The following CIB4 variants were observed in gnomAD, a reference collection of about 807,000 sequenced individuals.
CIB4 encodes the protein calcium and integrin binding family member 4.
CIB4 carries 25 observed loss-of-function variants against 25.8 expected under a neutral mutation model. The ratio of observed to expected loss-of-function variants is 0.97; its 90% CI spans 0.71 to 1.35. The LOEUF is 1.35. Ranked by LOEUF, CIB4 falls within the 40% of genes most tolerant of loss-of-function variation. The pLI is 0.00. For missense variants in CIB4, 235 were observed against 228.2 expected (o/e 1.03, Z -0.19); for synonymous variants, 75 against 81.4 (o/e 0.92, Z 0.42).
intron 4 of CIB4, among the ~76,000 whole-genome samples, chr2:26,589,044 CTTCT>C (rs1668519039): frequency 4.0e-5 from 2 of 50,622 alleles, no homozygotes; most frequent in African/African-American, 1.7e-4. Flanking sequence ...TCTTCTTCTT[CTTCT>C]TCTTCTTCTT....
At chr2:26,593,989 A>G (rs1668634848) in intron 4 of CIB4, among the ~76,000 whole-genome samples, 3 of 152,194 alleles carry the variant, frequency 2.0e-5, no homozygotes, top group Non-Finnish European at 4.4e-5. Flanking sequence ...GTCAGAAAGA[A>G]TCCAGTGTTT....
At chr2:26,618,984 A>G (rs148772525) in intron 3 of CIB4, among the ~76,000 whole-genome samples, 1 of 152,272 alleles carries the variant, frequency 6.6e-6, no homozygotes, top group Non-Finnish European at 1.5e-5. Context: ...AGCGCTGTGA[A>G]GCCCCTGGCT....
At chr2:26,596,526 C>T (rs1668685841) in intron 3 of CIB4, among the ~76,000 whole-genome samples, 1 of 152,066 alleles carries the variant, frequency 6.6e-6, no homozygotes, top group Admixed American at 6.5e-5. Flanking sequence ...GGTGGATCAC[C>T]TGAGGTCAGG....
chr2:26,592,181 ACT>A (rs1454503848), intron 4 of CIB4, among the ~76,000 whole-genome samples: 1 of 152,078 alleles, frequency 6.6e-6, no homozygotes, highest in Non-Finnish European at 1.5e-5. Flanking sequence ...CAACCGAAAG[ACT>A]CTTGGCTAAG....
In CIB4 at chr2:26,595,171, C is replaced by T. The variant is rs751499951; in HGVS notation, c.328+5G>A. On this transcript the variant is annotated splice_donor_5th_base_variant and intron_variant, in intron 4 of 6. Coordinates refer to ENST00000288861, the MANE Select transcript of CIB4 (RefSeq NM_001029881.3). ...CCTCACCCCTCAGTCCCCCACAGCA[C>T]CTACCATAGATGCGAAAGGCATACT... 6 of 1,606,008 alleles carry T rather than the reference C, an allele frequency of 3.7e-6. No homozygotes were observed. Among genetic ancestry groups the T allele is most frequent in the Non-Finnish European group, 5.1e-6 (6 of 1,173,360 alleles).
chr2:26,613,660 C>T (rs1669038839), intron 3 of CIB4, among the ~76,000 whole-genome samples: 1 of 152,256 alleles, frequency 6.6e-6, no homozygotes, highest in Admixed American at 6.5e-5. Flanking sequence ...TATACACAAA[C>T]TGCAGTTCAA....
chr2:26,595,425 A>T, intron 3 of CIB4, 108 bp from the exon 4 acceptor site: 1 of 1,194,864 alleles, frequency 8.4e-7, no homozygotes, highest in Middle Eastern at 2.9e-4. Context: ...TGAGATGAAG[A>T]CAACAGCCAC....
intron 3 of CIB4, among the ~76,000 whole-genome samples, chr2:26,613,025 A>G (rs541679955): frequency 5.7e-4 from 87 of 152,264 alleles, no homozygotes; most frequent in Non-Finnish European, 6.8e-4. Flanking sequence ...GCAGAAAGAG[A>G]GAGAAGGAGG....
At chr2:26,584,199 A>G (rs1668407783) in intron 4 of CIB4, among the ~76,000 whole-genome samples, 1 of 152,224 alleles carries the variant, frequency 6.6e-6, no homozygotes, top group Non-Finnish European at 1.5e-5. Context: ...CCAAAAAGAA[A>G]CTGAGGCACA....
chr2:26,607,025 C>T (rs868586595), intron 3 of CIB4, among the ~76,000 whole-genome samples: 1 of 152,296 alleles, frequency 6.6e-6, no homozygotes, highest in African/African-American at 2.4e-5. Flanking sequence ...TCCCCAGATT[C>T]CAGGCCAACA....
chr2:26,595,093 A>G (rs1668654518), intron 4 of CIB4, 83 bp downstream of exon 4: 2 of 1,381,262 alleles, frequency 1.4e-6, no homozygotes, highest in Non-Finnish European at 2.0e-6. Flanking sequence ...GCCATCCATC[A>G]ATGAACTGAT....
intron 3 of CIB4, among the ~76,000 whole-genome samples, chr2:26,603,956 T>C (rs920230561): frequency 1.4e-5 from 2 of 147,110 alleles, no homozygotes; most frequent in Admixed American, 1.4e-4. Flanking sequence ...TGAGCCAAGA[T>C]TGTGCCACTG....
At chr2:26,594,389 C>A (rs1668641279) in intron 4 of CIB4, among the ~76,000 whole-genome samples, 1 of 152,212 alleles carries the variant, frequency 6.6e-6, no homozygotes, top group Non-Finnish European at 1.5e-5. Flanking sequence ...AGCTCTTCTA[C>A]TGTCTTCTAT....
intron 3 of CIB4, among the ~76,000 whole-genome samples, chr2:26,625,399 C>CTGGA (rs1308704701): frequency 2.9e-5 from 4 of 138,974 alleles, no homozygotes; most frequent in African/African-American, 1.1e-4. Flanking sequence ...GTTGCCCAGG[C>CTGGA]TGGAGTGCAA....
intron 4 of CIB4, among the ~76,000 whole-genome samples, chr2:26,592,768 T>C (rs1383993336): frequency 6.6e-6 from 1 of 152,240 alleles, no homozygotes; most frequent in African/African-American, 2.4e-5. Flanking sequence ...GTTTCAGATA[T>C]TTTATTTTTC....
At chr2:26,639,623 G>C (rs993318772) in intron 2 of CIB4, among the ~76,000 whole-genome samples, 1 of 152,210 alleles carries the variant, frequency 6.6e-6, no homozygotes, top group Non-Finnish European at 1.5e-5. Context: ...ATTTTCAAAA[G>C]GGAAACAATG....
At chr2:26,617,721 C>T (rs981487232) in intron 3 of CIB4, among the ~76,000 whole-genome samples, 1 of 152,168 alleles carries the variant, frequency 6.6e-6, no homozygotes, top group Non-Finnish European at 1.5e-5. Flanking sequence ...CTGTCCCTGC[C>T]TGGGTTGAGG....
intron 3 of CIB4, among the ~76,000 whole-genome samples, chr2:26,619,600 A>C (rs1440785287): frequency 6.6e-6 from 1 of 152,222 alleles, no homozygotes; most frequent in Admixed American, 6.5e-5. Context: ...GGCATGACCC[A>C]CAAAAACATA....
intron 4 of CIB4, among the ~76,000 whole-genome samples, chr2:26,585,729 G>C (rs931579390): frequency 1.1e-4 from 16 of 152,064 alleles, no homozygotes; most frequent in African/African-American, 3.9e-4. Flanking sequence ...ATCACCTATA[G>C]GCTAATGAAT....
Sources: allele counts gnomAD v4.1 joint callset (sites outside exome capture counted in the v4.1 genomes callset), GRCh38; gene constraint gnomAD v4.1.1; transcripts MANE v1.5; gene names NCBI Gene and HGNC (gene_info 2026-07-23, HGNC 2026-07-21).